Variants in CNBD1 observed in about 807,000 individuals in gnomAD.
CNBD1 encodes cyclic nucleotide-binding domain-containing protein 1.
A neutral mutation model predicts 54.4 loss-of-function variants in CNBD1; 71 were observed. That is an observed-to-expected ratio of 1.30 (90% CI 1.08 to 1.59). The LOEUF (loss-of-function observed/expected upper bound fraction) is 1.59. Ranked by LOEUF, CNBD1 falls within the 40% of genes most tolerant of loss-of-function variation. CNBD1 has a pLI of 0.00. For missense variants in CNBD1, 659 were observed against 518.0 expected (o/e 1.27, Z -2.64); for synonymous variants, 182 against 170.7 (o/e 1.07, Z -0.51).
At chr8:87,266,855 T>G (rs1309454306) in intron 6 of CNBD1, among the ~76,000 whole-genome samples, 1 of 152,090 alleles carries the variant, frequency 6.6e-6, no homozygotes, top group Non-Finnish European at 1.5e-5. Context: ...AAGATAAAAC[T>G]GCATGCCTAC....
intron 4 of CNBD1, among the ~76,000 whole-genome samples, chr8:86,996,226 T>C (rs1396728800): frequency 6.6e-6 from 1 of 152,204 alleles, no homozygotes; most frequent in East Asian, 1.9e-4. Flanking sequence ...GATTCATGTT[T>C]TGGGCACCTA....
chr8:87,207,821 A>G (rs1037228628), intron 5 of CNBD1, among the ~76,000 whole-genome samples: 6 of 152,320 alleles, frequency 3.9e-5, no homozygotes, highest in African/African-American at 1.4e-4. Context: ...TTGCATTTCA[A>G]TAGGGTGTAC....
intron 8 of CNBD1, among the ~76,000 whole-genome samples, chr8:87,287,879 G>A (rs939059315): frequency 4.0e-5 from 6 of 151,884 alleles, no homozygotes; most frequent in African/African-American, 1.2e-4. Flanking sequence ...TTGAGATGTA[G>A]CATTTAATCC....
At chr8:87,337,275 GC>G (rs1809963412) in intron 8 of CNBD1, among the ~76,000 whole-genome samples, 2 of 152,270 alleles carry the variant, frequency 1.3e-5, no homozygotes, top group East Asian at 3.9e-4. Context: ...CATCTGGGCT[GC>G]CCGGAGTTAT....
At chr8:87,119,493 A>C (rs2130713943) in intron 4 of CNBD1, among the ~76,000 whole-genome samples, 1 of 151,908 alleles carries the variant, frequency 6.6e-6, no homozygotes, top group African/African-American at 2.4e-5. Flanking sequence ...GAGTCTTTGG[A>C]TTTTTGTAGA....
rs570619838 is a variant in CNBD1, at chr8:87,307,277, T to C, written c.1042+20606T>C. ...AACACAACTATTGTGAAGAACACAATTTAACTGGCATTAATTGACGTACAT... is the reference window on the plus strand; with the variant it reads ...AACACAACTATTGTGAAGAACACAACTTAACTGGCATTAATTGACGTACAT... On this transcript the variant is annotated intron_variant, in intron 8 of 10. Transcript: ENST00000518476. Among the ~76,000 whole-genome samples, 134 of 152,316 alleles carry C rather than the reference T, an allele frequency of 8.8e-4. 1 individual carries two copies. In the Middle Eastern group the frequency reaches 0.01, roughly 12 times the overall value.
chr8:87,187,175 G>A (rs1813497817), intron 4 of CNBD1, among the ~76,000 whole-genome samples: 1 of 148,650 alleles, frequency 6.7e-6, no homozygotes, highest in African/African-American at 2.4e-5. Context: ...GATTTATATA[G>A]CTATATCTCA....
At chr8:87,198,490 A>C (rs1489903698) in intron 4 of CNBD1, among the ~76,000 whole-genome samples, 1 of 152,246 alleles carries the variant, frequency 6.6e-6, no homozygotes, top group Non-Finnish European at 1.5e-5. Flanking sequence ...GAAACAAAAA[A>C]AAGCAGTTAA....
chr8:87,191,643 T>TACATTTCATTTGAGTCTAGTGGG (rs1416375241), intron 4 of CNBD1, among the ~76,000 whole-genome samples: 1 of 152,188 alleles, frequency 6.6e-6, no homozygotes, highest in Non-Finnish European at 1.5e-5. Flanking sequence ...AAATTAGAGA[T>TACATTTCATTTGAGTCTAGTGGG]ACATTTCATT....
intron 8 of CNBD1, among the ~76,000 whole-genome samples, chr8:87,301,804 A>G (rs1012375218): frequency 6.6e-6 from 1 of 152,220 alleles, no homozygotes; most frequent in Non-Finnish European, 1.5e-5. Flanking sequence ...GATAAAGGGG[A>G]TATCACCACC....
chr8:87,222,276 G>A (rs1814356565), intron 5 of CNBD1, among the ~76,000 whole-genome samples: 1 of 152,094 alleles, frequency 6.6e-6, no homozygotes, highest in South Asian at 2.1e-4. Flanking sequence ...AATACTGTAG[G>A]GGATCATTAA....
chr8:87,247,548 A>G (rs1450917571), intron 6 of CNBD1, among the ~76,000 whole-genome samples: 3 of 152,182 alleles, frequency 2.0e-5, no homozygotes, highest in African/African-American at 7.2e-5. Flanking sequence ...TTCCTTGACC[A>G]TGTTGAATGT....
chr8:87,126,542 T>A (rs186928606), intron 4 of CNBD1, among the ~76,000 whole-genome samples: 1 of 152,156 alleles, frequency 6.6e-6, no homozygotes, highest in East Asian at 1.9e-4. Context: ...ATATTATGGC[T>A]ATATCTCCTT....
intron 4 of CNBD1, among the ~76,000 whole-genome samples, chr8:87,002,971 G>T (rs1809023988): frequency 6.6e-6 from 1 of 152,158 alleles, no homozygotes; most frequent in Non-Finnish European, 1.5e-5. Context: ...CCCTAGAAAA[G>T]ATGATAAGAA....
intron 5 of CNBD1, among the ~76,000 whole-genome samples, chr8:87,211,069 C>A (rs542638326): frequency 3.3e-5 from 5 of 152,272 alleles, no homozygotes; most frequent in South Asian, 2.1e-4. Context: ...CCACTTGTAC[C>A]AGTGTGCTCC....
intron 6 of CNBD1, among the ~76,000 whole-genome samples, chr8:87,267,363 G>GA (rs1315046119): frequency 6.6e-5 from 10 of 151,760 alleles, no homozygotes; most frequent in Admixed American, 3.3e-4. Flanking sequence ...ATTGGCAAAT[G>GA]AAAAAAAATT....
chr8:87,094,763 TGCAGTG>T (rs1811283878), intron 4 of CNBD1, among the ~76,000 whole-genome samples: 1 of 152,100 alleles, frequency 6.6e-6, no homozygotes, highest in Admixed American at 6.6e-5. Context: ...ATGGGCCAGG[TGCAGTG>T]GCTCACGCCT....
At chr8:86,953,673 C>T (rs915278687) in intron 4 of CNBD1, among the ~76,000 whole-genome samples, 1 of 152,058 alleles carries the variant, frequency 6.6e-6, no homozygotes, top group Non-Finnish European at 1.5e-5. Context: ...TCAAGACTAG[C>T]CTGGCCAACA....
rs112102855 is a variant in CNBD1, at chr8:87,057,822, C to G, written c.431+118068C>G. On this transcript the variant is annotated intron_variant, in intron 4 of 10. Transcript: ENST00000518476. Reference sequence around the variant, plus strand: ...CAAGATCATGTCACTTCACTCCAGCCTGGGCAACAGCACAAGACTCCATCT... The same window carrying G: ...CAAGATCATGTCACTTCACTCCAGCGTGGGCAACAGCACAAGACTCCATCT... Among the ~76,000 whole-genome samples, 417 of 152,154 alleles carry G rather than the reference C, an allele frequency of 2.7e-3. 4 individuals carry two copies. Among genetic ancestry groups the G allele is most frequent in the African/African-American group, 9.7e-3 (403 of 41,510 alleles).
Sources: allele counts gnomAD v4.1 joint callset (sites outside exome capture counted in the v4.1 genomes callset), GRCh38; gene constraint gnomAD v4.1.1; transcripts MANE v1.5; gene names NCBI Gene and HGNC (gene_info 2026-07-23, HGNC 2026-07-21).